The following SDHC variants were observed in gnomAD, a reference collection of about 807,000 sequenced individuals.
SDHC encodes succinate dehydrogenase complex subunit C, also known as succinate dehydrogenase cytochrome b560 subunit, mitochondrial.
In SDHC, 11 loss-of-function variants were observed where a neutral mutation model predicts 22.6. The observed-to-expected ratio is 0.49, with a 90% CI of 0.31 to 0.81. The LOEUF is 0.81. Ranked by LOEUF, SDHC falls within the 30% of genes least tolerant of loss-of-function variation. The probability of loss-of-function intolerance (pLI) is 0.05; values close to 1 mark genes in which losing one functional copy is unlikely to be tolerated. For missense variants in SDHC, 160 were observed against 212.0 expected, an observed-to-expected ratio of 0.75 and a Z score of 1.52; for synonymous variants, 80 against 77.8, an observed-to-expected ratio of 1.03 and a Z score of -0.15.
intron 4 of SDHC, among the ~76,000 whole-genome samples, chr1:161,354,605 T>C (rs1672200185): frequency 1.3e-5 from 2 of 151,178 alleles, no homozygotes; most frequent in African/African-American, 2.4e-5. Context: ...ACAACTGGCC[T>C]CTTCTTTTTT....
At chr1:161,321,135 T>A (rs1000466627) in intron 1 of SDHC, among the ~76,000 whole-genome samples, 2 of 152,184 alleles carry the variant, frequency 1.3e-5, no homozygotes, top group Non-Finnish European at 2.9e-5. Context: ...CAGTCTTGAT[T>A]TTTTACTTCC....
chr1:161,330,799 A>C (rs1466098483), intron 3 of SDHC, among the ~76,000 whole-genome samples: 1 of 152,108 alleles, frequency 6.6e-6, no homozygotes, highest in African/African-American at 2.4e-5. Context: ...CAGGGGTTTG[A>C]GACCAGATTG....
chr1:161,317,265 T>C (rs1284476969), intron 1 of SDHC, among the ~76,000 whole-genome samples: 3 of 151,804 alleles, frequency 2.0e-5, no homozygotes, highest in African/African-American at 7.3e-5. Flanking sequence ...CCTGACCTCA[T>C]GATCCATCCG....
chr1:161,353,189 T>C (rs1571885473), intron 4 of SDHC, among the ~76,000 whole-genome samples: 1 of 152,186 alleles, frequency 6.6e-6, no homozygotes, highest in East Asian at 1.9e-4. Flanking sequence ...CGTAGGTCAT[T>C]TGAGAGTAGG....
At chr1:161,332,173 A>G (rs1671301997) in intron 3 of SDHC, among the ~76,000 whole-genome samples, 1 of 151,936 alleles carries the variant, frequency 6.6e-6, no homozygotes, top group Admixed American at 6.6e-5. Flanking sequence ...GACGGTCTCA[A>G]TATATTACCC....
intron 1 of SDHC, among the ~76,000 whole-genome samples, chr1:161,319,370 TGA>T (rs1313079723): frequency 6.6e-6 from 1 of 151,166 alleles, no homozygotes; most frequent in Non-Finnish European, 1.5e-5. Context: ...TGAACAAGTG[TGA>T]GAGCAAGGCA....
At chr1:161,323,010 T>A (rs1031585815) in intron 1 of SDHC, among the ~76,000 whole-genome samples, 1 of 152,116 alleles carries the variant, frequency 6.6e-6, no homozygotes, top group Non-Finnish European at 1.5e-5. Flanking sequence ...GCTTTTATTT[T>A]TTTTTTGAGA....
chr1:161,316,184 A>T (rs1325186207), intron 1 of SDHC, among the ~76,000 whole-genome samples: 1 of 151,836 alleles, frequency 6.6e-6, no homozygotes, highest in Non-Finnish European at 1.5e-5. Context: ...CTCAACTGCA[A>T]AGAGGCGTTC....
At chr1:161,315,502 A>G (rs16832809) in intron 1 of SDHC, among the ~76,000 whole-genome samples, 12,794 of 152,238 alleles carry the variant, frequency 0.084, 674 homozygotes, top group East Asian at 0.21. Context: ...TGGTTTGACC[A>G]TAATTGAATG....
intron 4 of SDHC, among the ~76,000 whole-genome samples, chr1:161,353,753 C>CAGA (rs1423031976): frequency 1.3e-5 from 2 of 152,106 alleles, no homozygotes; most frequent in African/African-American, 4.8e-5. Flanking sequence ...GAGGCCAAGG[C>CAGA]AGAAGGATCG....
chr1:161,325,341 CAATAAATA>C (rs56075649), intron 2 of SDHC, among the ~76,000 whole-genome samples: 66 of 150,184 alleles, frequency 4.4e-4, no homozygotes, highest in South Asian at 3.8e-3. Context: ...TACCCTGTCT[CAATAAATA>C]AATAAATAAA....
At chr1:161,318,291 C>T (rs56280055) in intron 1 of SDHC, among the ~76,000 whole-genome samples, 17,823 of 152,088 alleles carry the variant, frequency 0.12, 1,416 homozygotes, top group African/African-American at 0.22. Flanking sequence ...CGCATATAAA[C>T]ATGTTTATGC....
At chr1:161,347,544 C>T (rs1671942961) in intron 4 of SDHC, among the ~76,000 whole-genome samples, 1 of 151,548 alleles carries the variant, frequency 6.6e-6, no homozygotes. Flanking sequence ...CATGAGCCAC[C>T]ACACCCGGCT....
intron 4 of SDHC, among the ~76,000 whole-genome samples, chr1:161,342,062 T>A (rs542488120): frequency 4.9e-4 from 75 of 152,338 alleles, no homozygotes; most frequent in Admixed American, 1.0e-3. Flanking sequence ...TTTGGTCCCC[T>A]GCATATTGAC....
Position 161,357,246 on chromosome 1 carries a change from G to C in SDHC, c.405+406G>C, listed in dbSNP as rs1394963390. Among the ~76,000 whole-genome samples the C allele has an allele frequency of 7.2e-5, 11 of 152,042 alleles. No individual in the cohort carries two copies. The East Asian group carries it at 2.1e-3, about 29-fold the overall frequency. ...CCAGCTAGTGCTGTTCTTAAGGTTA[G>C]TTGTGACTCAGAGTCCTCTTGGGGA... On this transcript the variant is annotated intron_variant, in intron 5 of 5. Transcript: ENST00000367975.
At chr1:161,334,320 TCTG>T (rs1421804523) in intron 3 of SDHC, among the ~76,000 whole-genome samples, 2 of 149,764 alleles carry the variant, frequency 1.3e-5, no homozygotes, top group African/African-American at 4.8e-5. Context: ...GTGAGCCTCT[TCTG>T]CTTTTCTTTT....
At chr1:161,325,917 T>A (rs747119958) in intron 2 of SDHC, among the ~76,000 whole-genome samples, 1 of 152,158 alleles carries the variant, frequency 6.6e-6, no homozygotes, top group Non-Finnish European at 1.5e-5. Context: ...AGCAGAGTTA[T>A]CGGCCTGGCA....
intron 3 of SDHC, chr1:161,339,482 C>G: frequency 1.3e-6 from 1 of 760,626 alleles, no homozygotes; most frequent in Non-Finnish European, 1.9e-6. Flanking sequence ...CATGCCAGCT[C>G]CAACTTTAAT....
intron 1 of SDHC, among the ~76,000 whole-genome samples, chr1:161,317,705 G>A (rs1439729039): frequency 6.6e-6 from 1 of 151,082 alleles, no homozygotes; most frequent in Non-Finnish European, 1.5e-5. Context: ...AGGACTACAG[G>A]CGTGTGCCAC....
Sources: allele counts gnomAD v4.1 joint callset (sites outside exome capture counted in the v4.1 genomes callset), GRCh38; gene constraint gnomAD v4.1.1; transcripts MANE v1.5; gene names NCBI Gene and HGNC (gene_info 2026-07-23, HGNC 2026-07-21).